The following MYO5B variants were observed in gnomAD, a reference collection of about 807,000 sequenced individuals.
The protein encoded by MYO5B is unconventional myosin-Vb.
A neutral mutation model predicts 229.3 loss-of-function variants in MYO5B; 143 were observed. That is an observed-to-expected ratio of 0.62 (90% CI 0.54 to 0.72). The LOEUF is 0.72. Ranked by LOEUF, MYO5B falls within the 30% of genes least tolerant of loss-of-function variation. The pLI is 0.00. For missense variants in MYO5B, 2,321 were observed against 2,331.0 expected, an observed-to-expected ratio of 1.00 and a Z score of 0.09; for synonymous variants, 918 against 885.2, an observed-to-expected ratio of 1.04 and a Z score of -0.66.
At chr18:50,053,469 G>A (rs1188160172) in intron 2 of MYO5B, among the ~76,000 whole-genome samples, 1 of 152,282 alleles carries the variant, frequency 6.6e-6, no homozygotes, top group Non-Finnish European at 1.5e-5. Context: ...CAACTGAAAC[G>A]AAATCTGCTG....
intron 39 of MYO5B, among the ~76,000 whole-genome samples, chr18:49,832,414 G>A (rs1392134632): frequency 1.3e-5 from 2 of 152,206 alleles, no homozygotes; most frequent in African/African-American, 4.8e-5. Context: ...GGTAGAAGCT[G>A]TACTTTTACA....
intron 14 of MYO5B, among the ~76,000 whole-genome samples, chr18:49,939,820 C>T (rs17658618): frequency 0.095 from 14,467 of 152,240 alleles, 821 homozygotes; most frequent in Middle Eastern, 0.2. Context: ...CAGATATAGC[C>T]TTGACTTTTG....
chr18:50,183,314 T>TATATAG (rs2033099906), intron 1 of MYO5B, among the ~76,000 whole-genome samples: 2 of 43,160 alleles, frequency 4.6e-5, no homozygotes, highest in South Asian at 1.1e-3. Flanking sequence ...ATCATATATA[T>TATATAG]ATATATATAT....
intron 17 of MYO5B, among the ~76,000 whole-genome samples, chr18:49,923,665 C>T (rs1024254366): frequency 6.6e-6 from 1 of 152,190 alleles, no homozygotes; most frequent in African/African-American, 2.4e-5. Context: ...TTAACCACGT[C>T]AGATCCATGG....
At chr18:50,057,621 G>A (rs558086568) in intron 1 of MYO5B, among the ~76,000 whole-genome samples, 1 of 152,002 alleles carries the variant, frequency 6.6e-6, no homozygotes, top group Admixed American at 6.5e-5. Context: ...TTATTCTAGG[G>A]GAGTTCATGT....
intron 2 of MYO5B, among the ~76,000 whole-genome samples, chr18:50,043,420 A>G (rs1317925896): frequency 8.7e-6 from 1 of 114,298 alleles, no homozygotes; most frequent in African/African-American, 3.8e-5. Flanking sequence ...TAAATATTTA[A>G]ATATATTTAA....
At position 50,089,640 on chromosome 18, in the gene MYO5B, T is replaced by C. The variant is rs189443822; in HGVS notation, c.28-34262A>G. 3.5e-3 allele frequency among the ~76,000 whole-genome samples: 529 copies of C among 151,274 alleles called. 1 individual carries two copies. The highest frequency in any genetic ancestry group is 5.7e-3 in the Non-Finnish European group (388 of 67,832). ...GGTACCTGCCTGTGTCCCAGTGTCGTAGGAGTTATTAATTAATTATTTTAG... is the reference window on the plus strand; with the variant it reads ...GGTACCTGCCTGTGTCCCAGTGTCGCAGGAGTTATTAATTAATTATTTTAG... On this transcript the variant is annotated intron_variant, in intron 1 of 39. Coordinates refer to ENST00000285039, the MANE Select transcript of MYO5B (RefSeq NM_001080467.3).
chr18:50,040,388 T>C (rs2029978124), intron 2 of MYO5B, 74 bp from the exon 3 acceptor site: 1 of 1,362,058 alleles, frequency 7.3e-7, no homozygotes, highest in Non-Finnish European at 1.1e-6. Flanking sequence ...TCCTGTCTTC[T>C]TAGCTGGAAT....
chr18:49,842,738 C>G (rs144515663), intron 34 of MYO5B, among the ~76,000 whole-genome samples: 1 of 152,190 alleles, frequency 6.6e-6, no homozygotes, highest in Non-Finnish European at 1.5e-5. Flanking sequence ...TAACACCATG[C>G]GGCAAGCCCT....
At chr18:50,158,398 AT>A (rs2032714513) in intron 1 of MYO5B, among the ~76,000 whole-genome samples, 1 of 152,098 alleles carries the variant, frequency 6.6e-6, no homozygotes, top group African/African-American at 2.4e-5. Flanking sequence ...TCCATTCCCT[AT>A]TTTTATGCAG....
chr18:49,889,139 G>T (rs1025125341), intron 22 of MYO5B, among the ~76,000 whole-genome samples: 1 of 152,098 alleles, frequency 6.6e-6, no homozygotes. Flanking sequence ...CTTTAAAATT[G>T]TTTTTTTAAA....
intron 6 of MYO5B, among the ~76,000 whole-genome samples, chr18:49,991,789 G>C (rs191249376): frequency 1.8e-4 from 27 of 152,094 alleles, no homozygotes; most frequent in Non-Finnish European, 3.1e-4. Context: ...AAACCTGCAC[G>C]TTCTGTACAT....
intron 2 of MYO5B, among the ~76,000 whole-genome samples, chr18:50,045,173 C>G (rs187572934): frequency 6.6e-6 from 1 of 152,202 alleles, no homozygotes; most frequent in East Asian, 1.9e-4. Context: ...GACATGTACC[C>G]TGGAATATTT....
intron 2 of MYO5B, among the ~76,000 whole-genome samples, chr18:50,043,377 AAT>A (rs1477829502): frequency 1.4e-5 from 1 of 71,512 alleles, no homozygotes; most frequent in African/African-American, 5.1e-5. Context: ...TATAATATAT[AAT>A]ATATTAAATA....
chr18:50,131,355 G>C (rs1705518), intron 1 of MYO5B, among the ~76,000 whole-genome samples: 150,829 of 152,300 alleles, frequency 0.99, 74,702 homozygotes, highest in Middle Eastern at 1. Context: ...TGTACCATGA[G>C]TCTTTGAGCA....
chr18:50,114,482 C>T (rs577967274), intron 1 of MYO5B, among the ~76,000 whole-genome samples: 1 of 152,268 alleles, frequency 6.6e-6, no homozygotes, highest in African/African-American at 2.4e-5. Context: ...GAGGTACAGC[C>T]CGGCTTCCCA....
chr18:50,077,763 C>T (rs965563479), intron 1 of MYO5B, among the ~76,000 whole-genome samples: 2 of 152,188 alleles, frequency 1.3e-5, no homozygotes, highest in African/African-American at 4.8e-5. Flanking sequence ...GAGGAAAGAA[C>T]AGTTGAACAG....
rs2023826837 is a variant in MYO5B, at chr18:49,825,194, GAATATGGGTTTCC to G, written c.*1264_*1276del. On this transcript the variant is annotated 3_prime_UTR_variant, in exon 40 of 40. Coordinates refer to ENST00000285039, the MANE Select transcript of MYO5B (RefSeq NM_001080467.3). The stretch of plus-strand genomic sequence containing the variant: ...AAGACAGTAAAAAAAAGTGTGGAAA[GAATATGGGTTTCC>G]AATTGAATGCTTGCTTTTGAAGAAA... 6.6e-6 allele frequency: 1 copy of G among 152,166 alleles called. No individual in the cohort carries two copies. The highest frequency in any genetic ancestry group is 1.5e-5 in the Non-Finnish European group (1 of 68,024). The allele number at this position is 152,166 out of a possible 1,614,324, so 9.4% of individuals were successfully genotyped here. A position where few individuals can be genotyped will look rare whatever the true frequency, so the allele number is the denominator to read the frequency against.
At chr18:49,941,626 C>G (rs2025314759) in intron 14 of MYO5B, among the ~76,000 whole-genome samples, 1 of 152,136 alleles carries the variant, frequency 6.6e-6, no homozygotes, top group Non-Finnish European at 1.5e-5. Context: ...GGTGACAATT[C>G]TGTTCCTATT....
Sources: allele counts gnomAD v4.1 joint callset (sites outside exome capture counted in the v4.1 genomes callset), GRCh38; gene constraint gnomAD v4.1.1; transcripts MANE v1.5; gene names NCBI Gene and HGNC (gene_info 2026-07-23, HGNC 2026-07-21).